HTR2B: variants seen among roughly 807,000 people sequenced by gnomAD.
HTR2B encodes 5-hydroxytryptamine receptor 2B, also known as 5-HT 2B receptor.
Under a neutral mutation model 39.8 loss-of-function variants are expected in HTR2B, and 31 were observed. The ratio of observed to expected loss-of-function variants is 0.78; its 90% CI spans 0.58 to 1.05. The LOEUF (loss-of-function observed/expected upper bound fraction) is 1.05, where lower values mean the gene tolerates loss of function less well. HTR2B is among the 50% of genes least tolerant of loss of function. The pLI is 0.00. For synonymous variants in HTR2B, 210 were observed against 207.1 expected (o/e 1.01, Z -0.12); for missense variants, 562 against 578.0 (o/e 0.97, Z 0.28).
intron 2 of HTR2B, 89 bp downstream of exon 2, chr2:231,123,324 A>G: frequency 4.1e-6 from 4 of 979,806 alleles, no homozygotes; most frequent in Non-Finnish European, 6.5e-6. Flanking sequence ...CTTTTATTTC[A>G]AGAAAAGTAA....
Position 231,109,162 on chromosome 2 carries a change from A to T in HTR2B, c.801T>A (p.Val267=), listed in dbSNP as rs778239382. 10 of 1,614,186 alleles carry T rather than the reference A, an allele frequency of 6.2e-6. No homozygotes were observed. The highest frequency in any genetic ancestry group is 8.5e-6 in the Non-Finnish European group (10 of 1,180,020). Residue 267 remains valine (V), a synonymous_variant, in exon 4 of 4, where the codon GTT becomes GTA. Coordinates refer to ENST00000258400, the MANE Select transcript of HTR2B (RefSeq NM_000867.5). ...QRLTWLTVST[V]FQRDETPCSS... ...AGCAAGGTGTTTCATCCCTTTGGAA[A>T]ACTGTAGACACAGTCAACCATGTTA...
Position 231,123,569 on chromosome 2 carries a change from T to C in HTR2B, c.196A>G (p.Ile66Val). Residue 66 changes from isoleucine (I) to valine (V), a missense_variant, in exon 2 of 4, where the codon ATA (isoleucine) becomes GTA (valine). By Grantham distance (29) the Ile-to-Val change is conservative. Coordinates refer to ENST00000258400, the MANE Select transcript of HTR2B (RefSeq NM_000867.5). Reference sequence around the variant, plus strand: ...AGGGTATTTCCACCAATTGTGGGTATTATCACCATGAGTATCAGAAGAGCT... The same window carrying C: ...AGGGTATTTCCACCAATTGTGGGTACTATCACCATGAGTATCAGAAGAGCT... The part of the protein sequence containing the change: ...WAALLILMVI[I>V]PTIGGNTLVI... The C allele has an allele frequency of 6.2e-7, 1 of 1,614,132 alleles. No individual in the cohort carries two copies. Among genetic ancestry groups the C allele is most frequent in the South Asian group, 1.1e-5 (1 of 91,086 alleles).
intron 2 of HTR2B, among the ~76,000 whole-genome samples, chr2:231,122,285 A>G (rs1695572176): frequency 6.6e-6 from 1 of 152,142 alleles, no homozygotes; most frequent in Non-Finnish European, 1.5e-5. Context: ...TTACTATCTG[A>G]TAATAGTTTT....
At chr2:231,119,342 G>A (rs969976366) in intron 2 of HTR2B, among the ~76,000 whole-genome samples, 2 of 152,132 alleles carry the variant, frequency 1.3e-5, no homozygotes, top group Non-Finnish European at 2.9e-5. Context: ...TACTCTACCA[G>A]TTACTATTAG....
chr2:231,119,869 C>CAAAA (rs78246469), intron 2 of HTR2B, among the ~76,000 whole-genome samples: 2 of 80,038 alleles, frequency 2.5e-5, no homozygotes, highest in Non-Finnish European at 4.9e-5. Context: ...GACTCCGTCT[C>CAAAA]AAAAAAAAAA....
At chr2:231,121,348 C>T (rs1242172609) in intron 2 of HTR2B, among the ~76,000 whole-genome samples, 5 of 151,966 alleles carry the variant, frequency 3.3e-5, no homozygotes, top group Middle Eastern at 3.4e-3. Flanking sequence ...GGCAACATTG[C>T]CAGACTCCAT....
At chr2:231,121,452 A>G (rs1160575387) in intron 2 of HTR2B, among the ~76,000 whole-genome samples, 2 of 152,242 alleles carry the variant, frequency 1.3e-5, no homozygotes, top group Admixed American at 6.5e-5. Flanking sequence ...TATTTAAGAC[A>G]TAAATATGAA....
At chr2:231,119,722 T>G (rs539795064) in intron 2 of HTR2B, among the ~76,000 whole-genome samples, 4 of 151,902 alleles carry the variant, frequency 2.6e-5, no homozygotes, top group Admixed American at 2.6e-4. Flanking sequence ...AATACAAAAC[T>G]TAGCCAGGTG....
At chr2:231,114,375 C>G (rs1462347644) in intron 2 of HTR2B, among the ~76,000 whole-genome samples, 1 of 152,140 alleles carries the variant, frequency 6.6e-6, no homozygotes, top group African/African-American at 2.4e-5. Context: ...GAATGGGAGT[C>G]TCTGTGACAC....
At chr2:231,110,537 T>G (rs937491423) in intron 3 of HTR2B, among the ~76,000 whole-genome samples, 1 of 152,182 alleles carries the variant, frequency 6.6e-6, no homozygotes, top group Non-Finnish European at 1.5e-5. Context: ...CTGGAATCCT[T>G]GTGTTGTTTT....
In HTR2B at chr2:231,123,866, C is replaced by T; in HGVS notation, c.-102G>A. Reference sequence around the variant, plus strand: ...TTTAAGGCATTGTAACCATGCCAAACACTCAAAAGCCAAAGTTGACACCTT... The same window carrying T: ...TTTAAGGCATTGTAACCATGCCAAATACTCAAAAGCCAAAGTTGACACCTT... On this transcript the variant is annotated 5_prime_UTR_variant, in exon 2 of 4. Transcript: ENST00000258400. The T allele has an allele frequency of 1.1e-6, 1 of 925,158 alleles. No homozygotes were observed. The highest frequency in any genetic ancestry group is 1.3e-5 in the South Asian group (1 of 75,170). 57.3% of individuals were successfully genotyped at this position (925,158 alleles called of 1,614,324 possible). A position where few individuals can be genotyped will look rare whatever the true frequency, so the allele number is the denominator to read the frequency against.
At chr2:231,115,523 C>T (rs1409804140) in intron 2 of HTR2B, among the ~76,000 whole-genome samples, 2 of 152,100 alleles carry the variant, frequency 1.3e-5, no homozygotes, top group Non-Finnish European at 2.9e-5. Context: ...GGGATTAAAG[C>T]ATCAAGTGGA....
rs1695081957 is a variant in HTR2B, at chr2:231,109,424, A to G, written c.554-15T>C. On this transcript the variant is annotated splice_polypyrimidine_tract_variant and intron_variant, in intron 3 of 3. Coordinates refer to ENST00000258400, the MANE Select transcript of HTR2B (RefSeq NM_000867.5). ...AATGGCAATGCCTAAGGAAGAGGAA[A>G]ACAAGATAAATTGAGTCATTTTATG... The G allele has an allele frequency of 6.2e-7, 1 of 1,611,338 alleles. No homozygotes were observed. Among genetic ancestry groups the G allele is most frequent in the South Asian group, 1.1e-5 (1 of 90,860 alleles).
At chr2:231,117,094 C>T (rs1392345096) in intron 2 of HTR2B, among the ~76,000 whole-genome samples, 1 of 151,952 alleles carries the variant, frequency 6.6e-6, no homozygotes, top group East Asian at 1.9e-4. Context: ...GACTTTCATT[C>T]TAAAATCATT....
intron 3 of HTR2B, 112 bp from the exon 4 acceptor site, chr2:231,109,521 T>C (rs547584557): frequency 1.8e-5 from 16 of 907,752 alleles, no homozygotes; most frequent in Non-Finnish European, 2.8e-5. Flanking sequence ...GCATTATAAT[T>C]CCTGGGACCC....
rs1364073082 is a variant in HTR2B, at chr2:231,109,270, T to C, written c.693A>G (p.Ala231=). The change falls in exon 4 of 4, where the codon GCA becomes GCG. Residue 231 remains alanine (A), a synonymous_variant. Coordinates refer to ENST00000258400, the MANE Select transcript of HTR2B (RefSeq NM_000867.5). ...TGAGAAAGTAGGTGACAATCATAAT[T>C]GCAAGAGGTGTGAAGAAGGCAGCCA... The part of the protein sequence containing the change: ...GSLAAFFTPL[A]IMIVTYFLTI... 1 of 1,614,132 alleles carries C rather than the reference T, an allele frequency of 6.2e-7. No homozygotes were observed. The highest frequency in any genetic ancestry group is 1.7e-4 in the Middle Eastern group (1 of 6,060).
At chr2:231,115,600 A>G (rs563291803) in intron 2 of HTR2B, among the ~76,000 whole-genome samples, 80 of 152,110 alleles carry the variant, frequency 5.3e-4, no homozygotes, top group Non-Finnish European at 1.1e-3. Context: ...AATTGGGGGT[A>G]GGAAGGGATA....
intron 3 of HTR2B, among the ~76,000 whole-genome samples, chr2:231,113,166 A>C (rs939096821): frequency 6.6e-6 from 1 of 152,274 alleles, no homozygotes; most frequent in Middle Eastern, 3.4e-3. Flanking sequence ...CCTGTCTCCA[A>C]AAAAGAAAAA....
intron 2 of HTR2B, among the ~76,000 whole-genome samples, chr2:231,114,141 A>T (rs1314461986): frequency 6.6e-6 from 1 of 152,202 alleles, no homozygotes; most frequent in East Asian, 1.9e-4. Flanking sequence ...TCTATTTTGC[A>T]TAATAATTGT....
Sources: gnomAD v4.1 joint callset for allele counts (sites outside exome capture counted in the v4.1 genomes callset) on GRCh38, gnomAD v4.1.1 for gene constraint, MANE v1.5 for transcripts, NCBI Gene and HGNC (gene_info 2026-07-23, HGNC 2026-07-21) for gene names.